Variants in CCDC7 observed in about 807,000 individuals in gnomAD.
The protein encoded by CCDC7 is coiled-coil domain-containing protein 7.
A neutral mutation model predicts 196.9 loss-of-function variants in CCDC7; 183 were observed. The ratio of observed to expected loss-of-function variants is 0.93; its 90% CI spans 0.82 to 1.05. The LOEUF (loss-of-function observed/expected upper bound fraction) is 1.05. Ranked by LOEUF, CCDC7 falls within the 50% of genes least tolerant of loss-of-function variation. The pLI, the probability that CCDC7 is intolerant of heterozygous loss-of-function variation, is 0.00. For synonymous variants in CCDC7, 525 were observed against 484.6 expected (o/e 1.08, Z -1.10); for missense variants, 1,540 against 1,482.2 (o/e 1.04, Z -0.64).
At chr10:32,588,297 G>A (rs1408134284) in intron 18 of CCDC7, among the ~76,000 whole-genome samples, 1 of 152,292 alleles carries the variant, frequency 6.6e-6, no homozygotes, top group East Asian at 1.9e-4. Flanking sequence ...TTTTATAAAT[G>A]TACTTTATCA....
chr10:32,511,201 T>G (rs2046059218), intron 9 of CCDC7: 1 of 614,774 alleles, frequency 1.6e-6, no homozygotes. Context: ...ACTGTGAATT[T>G]ACATATTAAT....
intron 30 of CCDC7, among the ~76,000 whole-genome samples, chr10:32,810,480 A>T (rs2086843437): frequency 6.6e-6 from 1 of 152,150 alleles, no homozygotes; most frequent in African/African-American, 2.4e-5. Context: ...CCAATTTTAA[A>T]CTTATATTCA....
chr10:32,655,438 A>T (rs576333862), intron 20 of CCDC7, among the ~76,000 whole-genome samples: 61 of 152,250 alleles, frequency 4.0e-4, no homozygotes, highest in African/African-American at 1.2e-3. Context: ...GTGAGGTGAT[A>T]TCTCATTGTG....
chr10:32,675,690 CCT>C (rs1283239465), intron 21 of CCDC7: 2 of 152,264 alleles, frequency 1.3e-5, no homozygotes, highest in East Asian at 3.8e-4. Flanking sequence ...ACGTGAAGGA[CCT>C]CTTCAAGGAG....
chr10:32,702,927 T>G (rs1392835980), intron 24 of CCDC7, among the ~76,000 whole-genome samples: 2 of 152,152 alleles, frequency 1.3e-5, no homozygotes, highest in Non-Finnish European at 2.9e-5. Flanking sequence ...GTGAGATGGG[T>G]TTCCTGAATA....
At chr10:32,831,831 T>C (rs920968539) in intron 32 of CCDC7, among the ~76,000 whole-genome samples, 3 of 152,176 alleles carry the variant, frequency 2.0e-5, no homozygotes, top group African/African-American at 7.2e-5. Flanking sequence ...ACAGTTAATG[T>C]TTTTTGTAAG....
intron 24 of CCDC7, among the ~76,000 whole-genome samples, chr10:32,696,697 C>T (rs901110058): frequency 6.6e-6 from 1 of 152,108 alleles, no homozygotes; most frequent in Non-Finnish European, 1.5e-5. Flanking sequence ...TTTTGTGAGT[C>T]CTTATTGTTG....
chr10:32,783,253 A>T (rs977283224), intron 29 of CCDC7, among the ~76,000 whole-genome samples: 1 of 152,228 alleles, frequency 6.6e-6, no homozygotes, highest in Non-Finnish European at 1.5e-5. Flanking sequence ...AATATTTGCA[A>T]ATTACATATC....
Position 32,729,356 on chromosome 10 carries a change from AG to A in CCDC7, c.2806del (p.Asp936IlefsTer29). On this transcript the variant is annotated frameshift_variant, in exon 28 of 42. Transcript: ENST00000639629. LOFTEE classifies it high-confidence loss of function. ...GCGTTTCCTTTAGAAATCAAAAAAA[AG>A]GATATATCACTTGAACATCTGTTGC... 1 of 1,558,372 alleles carries A rather than the reference AG, an allele frequency of 6.4e-7. No homozygotes were observed. The highest frequency in any genetic ancestry group is 8.7e-7 in the Non-Finnish European group (1 of 1,151,354).
At position 32,634,420 on chromosome 10, in the gene CCDC7, G is replaced by A. The variant is rs1208297879; in HGVS notation, c.1912+56G>A. 23 of 771,040 alleles carry A rather than the reference G, an allele frequency of 3.0e-5. No individual in the cohort carries two copies. In the South Asian group the frequency reaches 1.4e-3, roughly 46 times the overall value. The allele number at this position is 771,040 out of a possible 1,614,324, so 47.8% of individuals were successfully genotyped here. ...CTATTTTATTTTTATTTTTTGAGAT[G>A]GAGTCTCGCCCTGTCACCCAGGCTG... On this transcript the variant is annotated intron_variant, in intron 19 of 41. Transcript: ENST00000639629.
chr10:32,554,171 CCTGCAATAGCCCCAAGT>C (rs2053973596), intron 13 of CCDC7, among the ~76,000 whole-genome samples: 1 of 152,206 alleles, frequency 6.6e-6, no homozygotes, highest in Admixed American at 6.5e-5. Context: ...CCCAACCTCC[CCTGCAATAGCCCCAAGT>C]CTGTTTCCAG....
In CCDC7 at chr10:32,617,232, A is replaced by C. The variant is rs150901644; in HGVS notation, c.1802-17022A>C. On this transcript the variant is annotated intron_variant, in intron 18 of 41. Coordinates refer to ENST00000639629, the Ensembl canonical transcript of CCDC7. Reference sequence around the variant, plus strand: ...TTGTCAATTTTCTTTACCCTTTCAAAGAACTAACTTTTTGTTTCATTGATT... The same window carrying C: ...TTGTCAATTTTCTTTACCCTTTCAACGAACTAACTTTTTGTTTCATTGATT... Among the ~76,000 whole-genome samples the C allele has an allele frequency of 4.6e-5, 7 of 151,934 alleles. No individual in the cohort carries two copies. In the East Asian group the frequency reaches 1.4e-3, roughly 29 times the overall value.
intron 11 of CCDC7, among the ~76,000 whole-genome samples, chr10:32,536,017 C>A (rs1323102989): frequency 6.6e-6 from 1 of 152,100 alleles, no homozygotes; most frequent in Non-Finnish European, 1.5e-5. Flanking sequence ...TCTTCCCAGA[C>A]CCCTTAAATA....
chr10:32,705,141 G>A (rs1382680935), intron 24 of CCDC7, among the ~76,000 whole-genome samples: 3 of 152,138 alleles, frequency 2.0e-5, no homozygotes, highest in Non-Finnish European at 4.4e-5. Flanking sequence ...GTTCCTATTC[G>A]GCCATCTTGG....
At chr10:32,544,370 A>T in intron 13 of CCDC7, 69 bp downstream of exon 14, 2 of 1,477,606 alleles carry the variant, frequency 1.4e-6, no homozygotes, top group Non-Finnish European at 1.9e-6. Context: ...TATATAGAGA[A>T]ACATTATTAC....
intron 28 of CCDC7, among the ~76,000 whole-genome samples, chr10:32,745,456 C>T (rs2074555917): frequency 6.6e-6 from 1 of 152,182 alleles, no homozygotes. Context: ...CAGCATATTA[C>T]ATGACAAGTG....
intron 20 of CCDC7, among the ~76,000 whole-genome samples, chr10:32,647,963 C>A (rs578113385): frequency 6.6e-6 from 1 of 152,306 alleles, no homozygotes; most frequent in Admixed American, 6.5e-5. Flanking sequence ...AGTTTGAGGT[C>A]TTACATTTAA....
chr10:32,690,403 AC>A (rs771350952), intron 23 of CCDC7, among the ~76,000 whole-genome samples: 2 of 152,182 alleles, frequency 1.3e-5, no homozygotes, highest in Non-Finnish European at 2.9e-5. Flanking sequence ...GTTAATCTGA[AC>A]ATCTAAGTGA....
chr10:32,739,448 G>A (rs1208962855), intron 28 of CCDC7, among the ~76,000 whole-genome samples: 3 of 151,838 alleles, frequency 2.0e-5, no homozygotes, highest in Non-Finnish European at 2.9e-5. Flanking sequence ...CTGTTACAAT[G>A]TTTTTTATTT....
Sources: gnomAD v4.1 joint callset for allele counts (sites outside exome capture counted in the v4.1 genomes callset) on GRCh38, gnomAD v4.1.1 for gene constraint, MANE v1.5 for transcripts, NCBI Gene and HGNC (gene_info 2026-07-23, HGNC 2026-07-21) for gene names.